GPALPP1: variants seen among roughly 807,000 people sequenced by gnomAD.
GPALPP1 encodes GPALPP motifs containing 1, also known as GPALPP motifs-containing protein 1.
A neutral mutation model predicts 38.9 loss-of-function variants in GPALPP1; 30 were observed. The observed-to-expected ratio is 0.77, with a 90% CI of 0.58 to 1.05. The LOEUF is 1.05. GPALPP1 is among the 50% of genes least tolerant of loss of function. The pLI is 0.00. For missense variants in GPALPP1, 384 were observed against 408.8 expected (o/e 0.94, Z 0.52); for synonymous variants, 120 against 139.2 (o/e 0.86, Z 0.97).
At chr13:45,015,318 T>C (rs1874770691) in intron 5 of GPALPP1, 114 bp from the exon 6 acceptor site, 1 of 634,826 alleles carries the variant, frequency 1.6e-6, no homozygotes, top group African/African-American at 1.9e-5. Flanking sequence ...ATATTAGAGT[T>C]TGTTAAGTAA....
intron 1 of GPALPP1, among the ~76,000 whole-genome samples, chr13:44,999,906 A>G (rs1873549622): frequency 6.6e-6 from 1 of 152,142 alleles, no homozygotes; most frequent in Admixed American, 6.5e-5. Flanking sequence ...TCGCCATCTC[A>G]GTATTCTATC....
intron 7 of GPALPP1, among the ~76,000 whole-genome samples, chr13:45,027,299 GA>G (rs371572605): frequency 2.0e-5 from 3 of 151,586 alleles, no homozygotes; most frequent in East Asian, 1.9e-4. Context: ...TAGCTAAGAA[GA>G]AAAAAAATTG....
At chr13:45,026,838 C>T (rs192908118) in intron 7 of GPALPP1, among the ~76,000 whole-genome samples, 8 of 152,228 alleles carry the variant, frequency 5.3e-5, no homozygotes, top group East Asian at 1.9e-4. Context: ...TCAATCATAC[C>T]GGTATTTTAG....
intron 4 of GPALPP1, among the ~76,000 whole-genome samples, chr13:45,012,447 T>C (rs931871918): frequency 3.3e-5 from 5 of 152,204 alleles, no homozygotes; most frequent in Non-Finnish European, 5.9e-5. Context: ...ATCTGAGTGA[T>C]GACATATTGG....
chr13:45,030,875 G>A (rs1018363188), downstream of GPALPP1: 1 of 152,194 alleles, frequency 6.6e-6, no homozygotes, highest in Admixed American at 6.5e-5. Context: ...AGATGAATTA[G>A]CTGGGCGCAG....
chr13:45,027,721 C>T, intron 7 of GPALPP1, 64 bp from the exon 8 acceptor site: 1 of 767,402 alleles, frequency 1.3e-6, no homozygotes, highest in East Asian at 2.5e-5. Flanking sequence ...GTTTCATGGT[C>T]ATATTCTGTC....
intron 3 of GPALPP1, among the ~76,000 whole-genome samples, chr13:45,007,329 G>A (rs928199436): frequency 9.2e-5 from 14 of 152,104 alleles, no homozygotes; most frequent in African/African-American, 3.4e-4. Flanking sequence ...AAATGTATGT[G>A]TAAAATAAAC....
At chr13:45,020,496 G>A in intron 7 of GPALPP1, 68 bp downstream of exon 7, 5 of 729,756 alleles carry the variant, frequency 6.9e-6, no homozygotes, top group South Asian at 6.1e-5. Flanking sequence ...AGCTACTTGG[G>A]AGGCTGAGGC....
chr13:45,003,682 C>T (rs1873852146), intron 1 of GPALPP1, among the ~76,000 whole-genome samples: 1 of 152,198 alleles, frequency 6.6e-6, no homozygotes, highest in African/African-American at 2.4e-5. Context: ...GAGAGCAAGT[C>T]ATTCTGATAA....
intron 7 of GPALPP1, among the ~76,000 whole-genome samples, chr13:45,027,413 C>G (rs1875910633): frequency 6.6e-6 from 1 of 152,144 alleles, no homozygotes; most frequent in Non-Finnish European, 1.5e-5. Flanking sequence ...TTGAATTTTG[C>G]CACATCCGTG....
chr13:45,027,302 A>G (rs1368549889), intron 7 of GPALPP1, among the ~76,000 whole-genome samples: 1 of 152,194 alleles, frequency 6.6e-6, no homozygotes, highest in Non-Finnish European at 1.5e-5. Flanking sequence ...CTAAGAAGAA[A>G]AAAAATTGAG....
At chr13:45,026,889 C>T (rs570312869) in intron 7 of GPALPP1, among the ~76,000 whole-genome samples, 5 of 152,168 alleles carry the variant, frequency 3.3e-5, no homozygotes, top group South Asian at 4.1e-4. Context: ...CTTTCCTAAA[C>T]AATATTCTAT....
rs1049484884 is a variant in GPALPP1 at position 45,005,818 on chromosome 13, A to G, written c.222-384A>G. On this transcript the variant is annotated intron_variant, in intron 2 of 7. Transcript: ENST00000379151. ...GGTGGGGAGATCACTTGAGGTCAGG[A>G]GTTCGAGACCAGCCTGGCCAACATG... Among the ~76,000 whole-genome samples, 4 of 152,150 alleles carry G rather than the reference A, an allele frequency of 2.6e-5. No individual in the cohort carries two copies. In the South Asian group the frequency reaches 8.3e-4, roughly 32 times the overall value.
Position 44,991,070 on chromosome 13 carries a change from G to C in GPALPP1, c.88+1328G>C, listed in dbSNP as rs188591509. 7.0e-3 allele frequency among the ~76,000 whole-genome samples: 1,064 copies of C among 151,696 alleles called. 9 individuals carry two copies. Among genetic ancestry groups the C allele is most frequent in the African/African-American group, 0.024 (985 of 41,340 alleles). On this transcript the variant is annotated intron_variant, in intron 1 of 7. Coordinates refer to ENST00000379151, the MANE Select transcript of GPALPP1 (RefSeq NM_018559.5). ...GCCACTGCGCTCCAGCCTGGGCGAC[G>C]GAACGAGAGTTTGTCTCAATAAATA...
chr13:45,008,721 T>C (rs572088144), intron 3 of GPALPP1, 74 bp from the exon 4 acceptor site: 2 of 778,546 alleles, frequency 2.6e-6, no homozygotes, highest in South Asian at 1.7e-5. Context: ...GGCTTTATTA[T>C]TTTTGTGAAC....
At chr13:45,019,089 G>GTATA (rs1297326071) in intron 6 of GPALPP1, among the ~76,000 whole-genome samples, 1 of 110,594 alleles carries the variant, frequency 9.0e-6, no homozygotes, top group Non-Finnish European at 1.7e-5. Flanking sequence ...ATAAATATAT[G>GTATA]TATATATATT....
chr13:44,999,430 G>A (rs1349612064), intron 1 of GPALPP1, among the ~76,000 whole-genome samples: 1 of 152,140 alleles, frequency 6.6e-6, no homozygotes, highest in Non-Finnish European at 1.5e-5. Flanking sequence ...TGCTTTAGGA[G>A]AGATATGGAA....
At chr13:44,997,971 A>G (rs1234519744) in intron 1 of GPALPP1, among the ~76,000 whole-genome samples, 2 of 152,214 alleles carry the variant, frequency 1.3e-5, no homozygotes, top group African/African-American at 4.8e-5. Context: ...AACTGGGTCC[A>G]TAGGTCTGTC....
At chr13:45,005,233 G>C (rs1874004484) in intron 2 of GPALPP1, 1 of 150,708 alleles carries the variant, frequency 6.6e-6, no homozygotes, top group South Asian at 2.1e-4. Context: ...CAAGTAGCTG[G>C]AACTACAGGT....
Sources: allele counts gnomAD v4.1 joint callset (sites outside exome capture counted in the v4.1 genomes callset), GRCh38; gene constraint gnomAD v4.1.1; transcripts MANE v1.5; gene names NCBI Gene and HGNC (gene_info 2026-07-23, HGNC 2026-07-21).